Variants in ZNF536 observed in about 807,000 individuals in gnomAD.
ZNF536 encodes zinc finger protein 536.
In ZNF536, 13 loss-of-function variants were observed where a neutral mutation model predicts 84.5. The ratio of observed to expected loss-of-function variants is 0.15; its 90% CI spans 0.10 to 0.24. The LOEUF (loss-of-function observed/expected upper bound fraction) is 0.24, where lower values mean the gene tolerates loss of function less well. ZNF536 is among the 10% of genes least tolerant of loss of function. ZNF536 has a pLI of 1.00. For synonymous variants in ZNF536, 811 were observed against 742.5 expected (o/e 1.09, Z -1.50); for missense variants, 1,536 against 1,747.5 (o/e 0.88, Z 2.16).
intron 2 of ZNF536, among the ~76,000 whole-genome samples, chr19:30,498,223 T>C (rs543000687): frequency 1.3e-5 from 2 of 152,006 alleles, no homozygotes; most frequent in Non-Finnish European, 2.9e-5. Flanking sequence ...ATAAAGAAAA[T>C]GTGGCACATA....
chr19:30,628,651 G>C (rs751151480), intron 1 of ZNF536, among the ~76,000 whole-genome samples: 1 of 151,760 alleles, frequency 6.6e-6, no homozygotes. Context: ...GGATGGTCTC[G>C]ATCTCCTGAC....
intron 1 of ZNF536, among the ~76,000 whole-genome samples, chr19:30,408,656 T>C (rs1473460431): frequency 2.0e-5 from 3 of 152,174 alleles, no homozygotes; most frequent in African/African-American, 4.8e-5. Flanking sequence ...GCAATCTGCT[T>C]TTGTTTTATT....
In ZNF536 at chr19:30,706,483, C is replaced by CT. The variant is rs978070938; in HGVS notation, c.170-4273dup. Among the ~76,000 whole-genome samples, 107 of 145,088 alleles carry CT rather than the reference C, an allele frequency of 7.4e-4. 2 individuals are homozygous for CT. In the East Asian group the frequency reaches 0.021, roughly 28 times the overall value. ...GCCTGTGCAATGAGTGAAACTCTGTCTCAAAAAAAAAAAAAAAGAAAGAAA... is the reference window on the plus strand; with the variant it reads ...GCCTGTGCAATGAGTGAAACTCTGTCTTCAAAAAAAAAAAAAAAGAAAGAAA... On this transcript the variant is annotated intron_variant, in intron 1 of 1. Coordinates refer to the ZNF536 transcript ENST00000592773.
At chr19:30,609,007 C>T (rs1171668252) in intron 1 of ZNF536, among the ~76,000 whole-genome samples, 1 of 152,228 alleles carries the variant, frequency 6.6e-6, no homozygotes. Flanking sequence ...GTGTCTCTCT[C>T]ATCTTGGCTT....
intron 1 of ZNF536, among the ~76,000 whole-genome samples, chr19:30,652,476 A>G (rs1179740956): frequency 6.6e-6 from 1 of 152,108 alleles, no homozygotes; most frequent in Non-Finnish European, 1.5e-5. Context: ...GTAATTATCG[A>G]TAGATGTGTC....
intron 3 of ZNF536, among the ~76,000 whole-genome samples, chr19:30,542,530 A>G (rs1229661412): frequency 6.6e-6 from 1 of 152,192 alleles, no homozygotes; most frequent in African/African-American, 2.4e-5. Flanking sequence ...TAATTTCATT[A>G]TGCCTTTTCT....
At chr19:30,420,592 A>C (rs1406453391) in intron 1 of ZNF536, among the ~76,000 whole-genome samples, 9 of 152,172 alleles carry the variant, frequency 5.9e-5, no homozygotes, top group Admixed American at 5.9e-4. Flanking sequence ...GATAATCTCT[A>C]GCGTCAGAAG....
chr19:30,466,915 A>G (rs899662900), intron 2 of ZNF536, among the ~76,000 whole-genome samples: 1 of 152,178 alleles, frequency 6.6e-6, no homozygotes, highest in African/African-American at 2.4e-5. Context: ...ATCTCGGCTC[A>G]CTGCAAACTC....
chr19:30,438,089 C>G (rs939403928), intron 1 of ZNF536, among the ~76,000 whole-genome samples: 8 of 152,112 alleles, frequency 5.3e-5, no homozygotes, highest in African/African-American at 1.7e-4. Flanking sequence ...TGGCCCCTGG[C>G]TTCCTTTTTT....
intron 2 of ZNF536, among the ~76,000 whole-genome samples, chr19:30,471,047 C>A (rs2053613827): frequency 6.6e-6 from 1 of 150,786 alleles, no homozygotes; most frequent in South Asian, 2.1e-4. Context: ...TCTCAAACAC[C>A]TGGGCTCAAG....
intron 2 of ZNF536, among the ~76,000 whole-genome samples, chr19:30,488,127 C>T (rs1278678799): frequency 6.6e-6 from 1 of 152,214 alleles, no homozygotes; most frequent in Admixed American, 6.5e-5. Flanking sequence ...TTCATGGGAT[C>T]TGACATCTAC....
Position 30,444,127 on chromosome 19 carries a change from C to T in ZNF536, c.565C>T (p.Arg189Cys), listed in dbSNP as rs1293606470. 6.2e-7 allele frequency: 1 copy of T among 1,609,660 alleles called. No homozygotes were observed. Among genetic ancestry groups the T allele is most frequent in the Non-Finnish European group, 8.5e-7 (1 of 1,178,320 alleles). Residue 189 changes from arginine (R) to cysteine (C), a missense_variant, in exon 2 of 5, where the codon CGT (arginine) becomes TGT (cysteine). Physicochemically the swap from Arg to Cys is radical, Grantham distance 180. Transcript: ENST00000355537. Reference sequence around the variant, plus strand: ...CAAGCTGGGCAACCTGGGCAAGGGGCGTGGGCGTGTGCGCGAGGAGAACCG... The same window carrying T: ...CAAGCTGGGCAACCTGGGCAAGGGGTGTGGGCGTGTGCGCGAGGAGAACCG... ...THKLGNLGKG[R>C]GRVREENRLL...
At chr19:30,341,868 G>GC (rs1429575056) in intron 2 of ZNF536, among the ~76,000 whole-genome samples, 7 of 152,132 alleles carry the variant, frequency 4.6e-5, no homozygotes, top group African/African-American at 1.7e-4. Flanking sequence ...AAAGTCCCTG[G>GC]CAAGATAGTC....
intron 3 of ZNF536, among the ~76,000 whole-genome samples, chr19:30,540,594 T>C (rs1358206709): frequency 6.6e-6 from 1 of 152,174 alleles, no homozygotes; most frequent in Non-Finnish European, 1.5e-5. Flanking sequence ...GCGCTGAGCC[T>C]CAGAGACAGA....
At chr19:30,622,254 A>G (rs1156230127) in intron 1 of ZNF536, among the ~76,000 whole-genome samples, 2 of 152,254 alleles carry the variant, frequency 1.3e-5, no homozygotes, top group Non-Finnish European at 2.9e-5. Context: ...GAGGTTAATA[A>G]TGTAGATTTA....
chr19:30,427,735 G>A (rs931949074), intron 1 of ZNF536, among the ~76,000 whole-genome samples: 2 of 152,128 alleles, frequency 1.3e-5, no homozygotes, highest in Non-Finnish European at 2.9e-5. Context: ...TCCTCAAAGT[G>A]ACAGTCAGTG....
At chr19:30,282,769 G>C (rs1448962097) in intron 1 of ZNF536, among the ~76,000 whole-genome samples, 4 of 151,882 alleles carry the variant, frequency 2.6e-5, no homozygotes, top group Admixed American at 6.6e-5. Flanking sequence ...TGAGTGACAC[G>C]GGGAAAAAAA....
intron 1 of ZNF536, among the ~76,000 whole-genome samples, chr19:30,232,288 T>G (rs1181505113): frequency 6.6e-6 from 1 of 152,168 alleles, no homozygotes; most frequent in East Asian, 1.9e-4. Flanking sequence ...AAATAATTTT[T>G]CAACTTTTAT....
intron 1 of ZNF536, among the ~76,000 whole-genome samples, chr19:30,257,121 C>T (rs2145190516): frequency 6.6e-6 from 1 of 152,334 alleles, no homozygotes; most frequent in East Asian, 1.9e-4. Flanking sequence ...AAGTAGCACC[C>T]ATCTGCTCCT....
Sources: allele counts gnomAD v4.1 joint callset (sites outside exome capture counted in the v4.1 genomes callset), GRCh38; gene constraint gnomAD v4.1.1; transcripts MANE v1.5; gene names NCBI Gene and HGNC (gene_info 2026-07-23, HGNC 2026-07-21).